The following COL28A1 variants were observed in gnomAD, a reference collection of about 807,000 sequenced individuals.
The protein encoded by COL28A1 is collagen type XXVIII alpha 1 chain, also known as collagen alpha-1(XXVIII) chain.
COL28A1 carries 161 observed loss-of-function variants against 150.2 expected under a neutral mutation model. The ratio of observed to expected loss-of-function variants is 1.07; its 90% confidence interval spans 0.94 to 1.22. The LOEUF (loss-of-function observed/expected upper bound fraction) is 1.22. Ranked by LOEUF, COL28A1 falls within the 50% of genes most tolerant of loss-of-function variation. COL28A1 has a pLI of 0.00. For synonymous variants in COL28A1, 552 were observed against 469.7 expected (o/e 1.18, Z -2.26); for missense variants, 1,617 against 1,388.3 (o/e 1.16, Z -2.62).
At chr7:7,527,623 A>G (rs1377402593) in intron 3 of COL28A1, among the ~76,000 whole-genome samples, 1 of 152,196 alleles carries the variant, frequency 6.6e-6, no homozygotes, top group Non-Finnish European at 1.5e-5. Flanking sequence ...GGCCATGTTC[A>G]ATGACAGACT....
At position 7,443,664 on chromosome 7, in the gene COL28A1, T is replaced by G. The variant is rs761905719; in HGVS notation, c.1582-11A>C. 3.7e-6 allele frequency: 6 copies of G among 1,613,960 alleles called. No homozygotes were observed. In the Admixed American group the frequency reaches 6.7e-5, roughly 18 times the overall value. On this transcript the variant is annotated splice_polypyrimidine_tract_variant and intron_variant, in intron 19 of 34. Coordinates refer to ENST00000399429, the MANE Select transcript of COL28A1 (RefSeq NM_001037763.3). Reference sequence around the variant, plus strand: ...AAGCCCCGCTTCTCCCTAGAGAAAATGACACTGATGTGTTAGCTGACCCTC... The same window carrying G: ...AAGCCCCGCTTCTCCCTAGAGAAAAGGACACTGATGTGTTAGCTGACCCTC...
At chr7:7,477,765 G>C (rs569241984) in intron 13 of COL28A1, among the ~76,000 whole-genome samples, 1 of 152,118 alleles carries the variant, frequency 6.6e-6, no homozygotes, top group African/African-American at 2.4e-5. Context: ...AAGCTTCCAC[G>C]GTATGGAAAC....
intron 11 of COL28A1, among the ~76,000 whole-genome samples, chr7:7,505,596 T>G (rs1038673145): frequency 6.6e-6 from 1 of 152,222 alleles, no homozygotes; most frequent in African/African-American, 2.4e-5. Flanking sequence ...AAAAGCTTGA[T>G]TTCTGTTGGT....
chr7:7,398,273 A>T (rs1782962272), intron 27 of COL28A1, among the ~76,000 whole-genome samples: 1 of 152,222 alleles, frequency 6.6e-6, no homozygotes, highest in African/African-American at 2.4e-5. Flanking sequence ...CTCAGCTCTC[A>T]ATACTTACAG....
At chr7:7,400,692 A>G (rs1359610150) in intron 27 of COL28A1, among the ~76,000 whole-genome samples, 1 of 151,990 alleles carries the variant, frequency 6.6e-6, no homozygotes, top group African/African-American at 2.4e-5. Context: ...CAGCTTAAAA[A>G]AAAAAAACCT....
chr7:7,458,609 A>G (rs1787359105), intron 15 of COL28A1, among the ~76,000 whole-genome samples: 1 of 152,128 alleles, frequency 6.6e-6, no homozygotes, highest in South Asian at 2.1e-4. Flanking sequence ...ACATAATGGA[A>G]TCCAGTTCTG....
At position 7,373,662 on chromosome 7, in the gene COL28A1, C is replaced by A; in HGVS notation, c.2360-116G>T. 2.5e-6 allele frequency: 2 copies of A among 799,202 alleles called. No individual in the cohort carries two copies. The highest frequency in any genetic ancestry group is 3.9e-6 in the Non-Finnish European group (2 of 509,716). The allele number at this position is 799,202 out of a possible 1,614,324, so 49.5% of individuals were successfully genotyped here. ...AGACCTAAACTATTCTCTTCCTTTT[C>A]TGTGATTGTGAAAATACCTGACAGC... On this transcript the variant is annotated intron_variant, in intron 31 of 34. Transcript: ENST00000399429. This position sits in a 1 kb window ranked among gnomAD's most constrained non-coding sequence, Gnocchi z 4.1.
At chr7:7,352,334 T>A (rs1423215679), downstream of COL28A1, among the ~76,000 whole-genome samples, 1 of 152,182 alleles carries the variant, frequency 6.6e-6, no homozygotes, top group Non-Finnish European at 1.5e-5. Context: ...TTGTGGCAGA[T>A]TGAATAATGG....
intron 27 of COL28A1, among the ~76,000 whole-genome samples, chr7:7,414,064 C>A (rs1357948908): frequency 6.6e-6 from 1 of 152,134 alleles, no homozygotes; most frequent in African/African-American, 2.4e-5. Flanking sequence ...GCATAACTCC[C>A]AATTAGAAAT....
chr7:7,474,296 G>C (rs1207753765), intron 15 of COL28A1, among the ~76,000 whole-genome samples: 1 of 151,874 alleles, frequency 6.6e-6, no homozygotes, highest in Non-Finnish European at 1.5e-5. Context: ...GGGGCAAAAG[G>C]GTGGGAAGAG....
chr7:7,503,309 G>A (rs1780635949), intron 11 of COL28A1, among the ~76,000 whole-genome samples: 1 of 152,180 alleles, frequency 6.6e-6, no homozygotes, highest in Non-Finnish European at 1.5e-5. Context: ...AATAAGAATA[G>A]ATCATGTCTC....
intron 12 of COL28A1, among the ~76,000 whole-genome samples, chr7:7,490,029 A>G (rs906685672): frequency 7.9e-5 from 12 of 152,314 alleles, no homozygotes; most frequent in African/African-American, 2.9e-4. Context: ...CCTGCATCAA[A>G]GTCTTATTGT....
chr7:7,436,516 G>C, intron 22 of COL28A1, 53 bp from the exon 23 acceptor site: 1 of 904,316 alleles, frequency 1.1e-6, no homozygotes, highest in Non-Finnish European at 1.9e-6. Flanking sequence ...GAAATCACAA[G>C]CACACATAGC....
chr7:7,399,208 T>A (rs1009677557), intron 27 of COL28A1, among the ~76,000 whole-genome samples: 2 of 152,156 alleles, frequency 1.3e-5, no homozygotes, highest in African/African-American at 2.4e-5. Context: ...TCTTTTTGTG[T>A]TCTGACCTCT....
rs767202462 is a variant in COL28A1 at position 7,507,180 on chromosome 7, A to G, written c.928-19T>C. The stretch of plus-strand genomic sequence containing the variant: ...GGGATCCCTGTGGAATAAAATTGAA[A>G]ATAAGTCTCTCTAAATATACATCTT... On this transcript the variant is annotated intron_variant, in intron 9 of 34. Transcript: ENST00000399429. 11 of 1,062,592 alleles carry G rather than the reference A, an allele frequency of 1.0e-5. No individual in the cohort carries two copies. The highest frequency in any genetic ancestry group is 1.6e-5 in the Non-Finnish European group (11 of 681,712). 65.8% of individuals were successfully genotyped at this position (1,062,592 alleles called of 1,614,324 possible). A position where few individuals can be genotyped will look rare whatever the true frequency, so the allele number is the denominator to read the frequency against.
At chr7:7,494,435 TA>T (rs1344381648) in intron 11 of COL28A1, among the ~76,000 whole-genome samples, 2 of 152,228 alleles carry the variant, frequency 1.3e-5, no homozygotes, top group African/African-American at 4.8e-5. Context: ...TATCATTTAC[TA>T]ACAATTTTAG....
At chr7:7,539,686 G>A (rs758559957), upstream of COL28A1, among the ~76,000 whole-genome samples, 7 of 152,272 alleles carry the variant, frequency 4.6e-5, no homozygotes, top group South Asian at 2.1e-4. Context: ...GTGGAACAGC[G>A]TGACTTCAGT....
intron 27 of COL28A1, among the ~76,000 whole-genome samples, chr7:7,385,052 C>T (rs1316323696): frequency 6.6e-6 from 1 of 152,176 alleles, no homozygotes; most frequent in Non-Finnish European, 1.5e-5. Flanking sequence ...CAGCCAGCCC[C>T]CAGAGTGATA....
At position 7,476,123 on chromosome 7, in the gene COL28A1, T is replaced by A. The variant is rs996871186; in HGVS notation, c.1233+989A>T. 1.3e-5 allele frequency among the ~76,000 whole-genome samples: 2 copies of A among 152,214 alleles called. 1 individual carries two copies. The highest frequency in any genetic ancestry group is 4.1e-4 in the South Asian group (2 of 4,836). The stretch of plus-strand genomic sequence containing the variant: ...CTGAGAAGGCCATATCTTAGTCACC[T>A]GATGGAATGACTGATGTGGAGGGTC... On this transcript the variant is annotated intron_variant, in intron 14 of 34. Transcript: ENST00000399429.
Sources: allele counts gnomAD v4.1 joint callset (sites outside exome capture counted in the v4.1 genomes callset), GRCh38; gene constraint gnomAD v4.1.1; non-coding constraint Gnocchi (gnomAD v3.1); transcripts MANE v1.5; gene names NCBI Gene and HGNC (gene_info 2026-07-23, HGNC 2026-07-21).